Variants in ZFPM1 observed in about 807,000 individuals in gnomAD.
The protein encoded by ZFPM1 is zinc finger protein ZFPM1.
In ZFPM1, 28 loss-of-function variants were observed where a neutral mutation model predicts 46.3. The observed-to-expected ratio is 0.60, with a 90% CI of 0.45 to 0.83. The LOEUF is 0.83. ZFPM1 is among the 40% of genes least tolerant of loss of function. The pLI, the probability that ZFPM1 is intolerant of heterozygous loss-of-function variation, is 0.00. For missense variants in ZFPM1, 1,878 were observed against 1,432.4 expected (o/e 1.31, Z -5.02); for synonymous variants, 957 against 675.9 (o/e 1.42, Z -6.45).
intron 3 of ZFPM1, among the ~76,000 whole-genome samples, chr16:88,494,960 C>T (rs1264660633): frequency 6.6e-6 from 1 of 152,192 alleles, no homozygotes; most frequent in Non-Finnish European, 1.5e-5. Flanking sequence ...CCTTGTTTGC[C>T]GGAGGGGCGG....
rs1597282454 is a variant in ZFPM1, at chr16:88,526,731, A to C, written c.403-83A>C. The C allele has an allele frequency of 2.8e-6, 4 of 1,445,514 alleles. No individual in the cohort carries two copies. In the East Asian group the frequency reaches 9.9e-5, roughly 36 times the overall value. 89.5% of individuals were successfully genotyped at this position (1,445,514 alleles called of 1,614,324 possible). ...CCAAGCCGGGAGGCAGATCCGTGTCACAGATGCCCCACATACTCACGGGAA... is the reference window on the plus strand; with the variant it reads ...CCAAGCCGGGAGGCAGATCCGTGTCCCAGATGCCCCACATACTCACGGGAA... On this transcript the variant is annotated intron_variant, in intron 4 of 9. Coordinates refer to ENST00000319555, the MANE Select transcript of ZFPM1 (RefSeq NM_153813.3).
At chr16:88,481,133 C>T (rs1053895160) in intron 1 of ZFPM1, among the ~76,000 whole-genome samples, 7 of 152,232 alleles carry the variant, frequency 4.6e-5, no homozygotes, top group Non-Finnish European at 4.4e-5. Flanking sequence ...GACGGATGGG[C>T]GCACGGGTGT....
chr16:88,534,520 C>A lies in ZFPM1; in HGVS notation c.2562C>A (p.Ala854=), dbSNP rs1158583558. The A allele has an allele frequency of 7.0e-7, 1 of 1,437,610 alleles. No individual in the cohort carries two copies. The highest frequency in any genetic ancestry group is 9.1e-7 in the Non-Finnish European group (1 of 1,098,280). The allele number at this position is 1,437,610 out of a possible 1,614,324, so 89.1% of individuals were successfully genotyped here. A position where few individuals can be genotyped will look rare whatever the true frequency, so the allele number is the denominator to read the frequency against. ...CCGGCGCGCTCGGCCTGCCCGCCGC[C>A]GCCTGCCCCTACTGCCCCCCGAACG... ...PPPGALGLPA[A]ACPYCPPNGP... The change falls in exon 10 of 10, where the codon GCC becomes GCA. Residue 854 remains alanine, a synonymous_variant. Transcript: ENST00000319555.
At chr16:88,496,975 G>T (rs2142392133) in intron 3 of ZFPM1, among the ~76,000 whole-genome samples, 1 of 152,268 alleles carries the variant, frequency 6.6e-6, no homozygotes, top group East Asian at 1.9e-4. Flanking sequence ...CTGCCTGTGG[G>T]TGGGGGGCTG....
intron 3 of ZFPM1, among the ~76,000 whole-genome samples, chr16:88,513,756 G>A (rs1213068587): frequency 2.0e-5 from 3 of 152,108 alleles, no homozygotes; most frequent in Non-Finnish European, 2.9e-5. Context: ...TCCAAGTGTC[G>A]GCAGCACCAG....
At chr16:88,511,713 G>A (rs778515190) in intron 3 of ZFPM1, among the ~76,000 whole-genome samples, 5 of 152,204 alleles carry the variant, frequency 3.3e-5, no homozygotes, top group Non-Finnish European at 5.9e-5. Flanking sequence ...GCAGAAGAGC[G>A]TTGAGAACCA....
At chr16:88,531,711 C>T (rs1309677329) in intron 6 of ZFPM1, among the ~76,000 whole-genome samples, 1 of 152,260 alleles carries the variant, frequency 6.6e-6, no homozygotes, top group African/African-American at 2.4e-5. Flanking sequence ...CTTCTGCCCC[C>T]ATGAGGCCAA....
rs375701388 is a variant in ZFPM1, at chr16:88,509,485, G to A, written c.269-4902G>A. On this transcript the variant is annotated intron_variant, in intron 3 of 9. Transcript: ENST00000319555. ...GAGGCTGGCCCCTGGAAGGCGGGAA[G>A]GCCAGCTGTGTGCAGGAGGGGCCCC... 6.6e-4 allele frequency among the ~76,000 whole-genome samples: 100 copies of A among 152,244 alleles called. 1 individual carries two copies. In the South Asian group the frequency reaches 0.02, roughly 31 times the overall value.
In ZFPM1 at chr16:88,535,939, AAC is replaced by A. The variant is rs1172317849; in HGVS notation, c.*963_*964del. 1 of 152,120 alleles carries A rather than the reference AAC, an allele frequency of 6.6e-6. No individual in the cohort carries two copies. Among genetic ancestry groups the A allele is most frequent in the African/African-American group, 2.4e-5 (1 of 41,408 alleles). The allele number at this position is 152,120 out of a possible 1,614,324, so 9.4% of individuals were successfully genotyped here. A position where few individuals can be genotyped will look rare whatever the true frequency, so the allele number is the denominator to read the frequency against. On this transcript the variant is annotated 3_prime_UTR_variant, in exon 10 of 10. Coordinates refer to ENST00000319555, the MANE Select transcript of ZFPM1 (RefSeq NM_153813.3). Reference sequence around the variant, plus strand: ...GCGTGCTTTCTCACTGGAGAACAAAAACACTCTTCTATTCCCAACGTCACTTT... The same window carrying A: ...GCGTGCTTTCTCACTGGAGAACAAAAACTCTTCTATTCCCAACGTCACTTT...
In ZFPM1 at chr16:88,534,794, C is replaced by T. The variant is rs770946881; in HGVS notation, c.2836C>T (p.Pro946Ser). 4 of 1,366,416 alleles carry T rather than the reference C, an allele frequency of 2.9e-6. No homozygotes were observed. The East Asian group carries it at 1.1e-4, about 39-fold the overall frequency. The allele number at this position is 1,366,416 out of a possible 1,614,324, so 84.6% of individuals were successfully genotyped here. ...PAAAPEAVPP[P>S]PAPPSYSDKG... ...CGCCGCGCCCGAGGCCGTGCCGCCCCCGCCGGCGCCCCCCTCCTACTCGGA... is the reference window on the plus strand; with the variant it reads ...CGCCGCGCCCGAGGCCGTGCCGCCCTCGCCGGCGCCCCCCTCCTACTCGGA... Residue 946 changes from proline to serine, a missense_variant, in exon 10 of 10, where the codon CCG (proline) becomes TCG (serine). By Grantham distance (74) the Pro-to-Ser change is moderately conservative (BLOSUM62 -1). Coordinates refer to ENST00000319555, the MANE Select transcript of ZFPM1 (RefSeq NM_153813.3).
In ZFPM1 at chr16:88,464,335, C is replaced by T. The variant is rs116080674; in HGVS notation, c.40+10657C>T. On this transcript the variant is annotated intron_variant, in intron 1 of 9. Coordinates refer to ENST00000319555, the MANE Select transcript of ZFPM1 (RefSeq NM_153813.3). ...TGACTGATAGTTCCCGACTCCAGGC[C>T]TGGGCCCTGGATATGCTCCCAGAGG... is the stretch of plus-strand genomic sequence containing the variant. 4.7e-3 allele frequency among the ~76,000 whole-genome samples: 721 copies of T among 152,340 alleles called. 6 individuals are homozygous for T. The highest frequency in any genetic ancestry group is 0.016 in the African/African-American group (676 of 41,578).
At chr16:88,494,702 A>G (rs1446990516) in intron 3 of ZFPM1, among the ~76,000 whole-genome samples, 1 of 152,010 alleles carries the variant, frequency 6.6e-6, no homozygotes, top group East Asian at 1.9e-4. Flanking sequence ...GCGGGCGTGG[A>G]CAGGCAGGAG....
chr16:88,466,128 C>G (rs1390310673), intron 1 of ZFPM1, among the ~76,000 whole-genome samples: 2 of 152,152 alleles, frequency 1.3e-5, no homozygotes, highest in Non-Finnish European at 2.9e-5. Flanking sequence ...TTGAGTGACT[C>G]TTGAGAAATG....
intron 3 of ZFPM1, chr16:88,513,069 C>T (rs1454111878): frequency 1.3e-5 from 2 of 152,244 alleles, no homozygotes; most frequent in Non-Finnish European, 1.5e-5. Flanking sequence ...GCTGGGACCC[C>T]GCTCACACTG....
intron 2 of ZFPM1, among the ~76,000 whole-genome samples, chr16:88,488,351 G>A (rs565136035): frequency 2.6e-4 from 40 of 152,320 alleles, no homozygotes; most frequent in Admixed American, 9.8e-4. Context: ...ACCTGGCACC[G>A]CCCGTAGTGA....
intron 5 of ZFPM1, among the ~76,000 whole-genome samples, chr16:88,527,619 G>C (rs1912449509): frequency 6.6e-6 from 1 of 152,094 alleles, no homozygotes; most frequent in Non-Finnish European, 1.5e-5. Flanking sequence ...GGCTTTGTGG[G>C]CTGAGGCTGC....
Position 88,535,130 on chromosome 16 carries a change from C to A in ZFPM1, c.*151C>A. On this transcript the variant is annotated 3_prime_UTR_variant, in exon 10 of 10. Transcript: ENST00000319555. Reference sequence around the variant, plus strand: ...CGCAGGGGGCAGCGCCCGCCTGGACCCTTGGCACTTAATAAAGAAGTTCAG... The same window carrying A: ...CGCAGGGGGCAGCGCCCGCCTGGACACTTGGCACTTAATAAAGAAGTTCAG... 1.0e-6 allele frequency: 1 copy of A among 956,876 alleles called. No individual in the cohort carries two copies. The highest frequency in any genetic ancestry group is 1.4e-6 in the Non-Finnish European group (1 of 724,872). 59.3% of individuals were successfully genotyped at this position (956,876 alleles called of 1,614,324 possible). A position where few individuals can be genotyped will look rare whatever the true frequency, so the allele number is the denominator to read the frequency against.
intron 5 of ZFPM1, 91 bp from the exon 6 acceptor site, chr16:88,527,941 G>C (rs577028732): frequency 2.3e-6 from 3 of 1,308,202 alleles, no homozygotes; most frequent in Non-Finnish European, 2.0e-6. Context: ...CCGGGTGGCC[G>C]CTCTCCTGAC....
chr16:88,504,049 G>T (rs1910521649), intron 3 of ZFPM1, among the ~76,000 whole-genome samples: 1 of 151,984 alleles, frequency 6.6e-6, no homozygotes, highest in Non-Finnish European at 1.5e-5. Context: ...GCCAGGCTGG[G>T]TAGATGGTCT....
Sources: gnomAD v4.1 joint callset for allele counts (sites outside exome capture counted in the v4.1 genomes callset) on GRCh38, gnomAD v4.1.1 for gene constraint, MANE v1.5 for transcripts, NCBI Gene and HGNC (gene_info 2026-07-23, HGNC 2026-07-21) for gene names.